The following TTC28 variants were observed in gnomAD, a reference collection of about 807,000 sequenced individuals.
TTC28 encodes tetratricopeptide repeat domain 28.
In TTC28, 61 loss-of-function variants were observed where a neutral mutation model predicts 198.0. The ratio of observed to expected loss-of-function variants is 0.31; its 90% CI spans 0.25 to 0.38. The LOEUF (loss-of-function observed/expected upper bound fraction) is 0.38, where lower values mean the gene tolerates loss of function less well. Among genes scored for constraint, TTC28 ranks in the 10% least tolerant of loss-of-function variants. TTC28 has a pLI of 1.00. For synonymous variants in TTC28, 1,171 were observed against 1,297.8 expected (o/e 0.90, Z 2.10); for missense variants, 2,678 against 3,164.0 (o/e 0.85, Z 3.69).
At chr22:28,549,609 T>C (rs2049621353) in intron 2 of TTC28, among the ~76,000 whole-genome samples, 1 of 152,240 alleles carries the variant, frequency 6.6e-6, no homozygotes, top group African/African-American at 2.4e-5. Flanking sequence ...TTACAATGCC[T>C]AAAGTTAATA....
At chr22:28,408,526 G>A (rs1339923066) in intron 2 of TTC28, among the ~76,000 whole-genome samples, 3 of 152,160 alleles carry the variant, frequency 2.0e-5, no homozygotes, top group Non-Finnish European at 4.4e-5. Context: ...GAGTAGCTGA[G>A]ATTACAGGTA....
chr22:28,659,436 T>G (rs2145692280), intron 1 of TTC28, among the ~76,000 whole-genome samples: 1 of 152,120 alleles, frequency 6.6e-6, no homozygotes, highest in Admixed American at 6.6e-5. Flanking sequence ...GTCCAGCTAA[T>G]TTTTGTGTTT....
chr22:28,337,582 TA>T, intron 2 of TTC28, among the ~76,000 whole-genome samples: 1 of 152,344 alleles, frequency 6.6e-6, no homozygotes, highest in South Asian at 2.1e-4. Context: ...TTGATCCCTT[TA>T]CCATTATGTA....
At chr22:28,205,941 A>G (rs985480500) in intron 5 of TTC28, among the ~76,000 whole-genome samples, 3 of 152,146 alleles carry the variant, frequency 2.0e-5, no homozygotes, top group African/African-American at 7.2e-5. Context: ...ATGAACAGAA[A>G]AGGCTTATTA....
At chr22:28,583,017 G>A (rs780751194) in intron 2 of TTC28, among the ~76,000 whole-genome samples, 6 of 152,052 alleles carry the variant, frequency 3.9e-5, no homozygotes, top group Non-Finnish European at 8.8e-5. Context: ...GAAATACCAG[G>A]TTAGGCTAGA....
chr22:28,334,290 T>C (rs1366430354), intron 2 of TTC28, among the ~76,000 whole-genome samples: 1 of 152,052 alleles, frequency 6.6e-6, no homozygotes, highest in Non-Finnish European at 1.5e-5. Flanking sequence ...TTTGCTATTG[T>C]GAATAGTGCC....
intron 2 of TTC28, among the ~76,000 whole-genome samples, chr22:28,421,423 A>T (rs1569316149): frequency 6.6e-6 from 1 of 152,218 alleles, no homozygotes; most frequent in African/African-American, 2.4e-5. Context: ...GAAAAAAATT[A>T]CAAATCATTG....
chr22:28,008,677 C>T (rs951380542), intron 14 of TTC28: 5 of 152,320 alleles, frequency 3.3e-5, no homozygotes, highest in Non-Finnish European at 4.4e-5. Context: ...CTTGACCAAA[C>T]GTAAGGTATT....
rs143176571 is a variant in TTC28, at chr22:28,630,444, C to G, written c.103-614G>C. Among the ~76,000 whole-genome samples, 149 of 152,222 alleles carry G rather than the reference C, an allele frequency of 9.8e-4. 1 individual carries two copies. Among genetic ancestry groups the G allele is most frequent in the Non-Finnish European group, 1.6e-3 (111 of 68,006 alleles). On this transcript the variant is annotated intron_variant, in intron 1 of 22. Transcript: ENST00000397906. Reference sequence around the variant, plus strand: ...TTTTGAGTAGTTGGAAGCAGAGGCACATGCCACGGCATGCAGCTAATTTTT... The same window carrying G: ...TTTTGAGTAGTTGGAAGCAGAGGCAGATGCCACGGCATGCAGCTAATTTTT...
At chr22:28,620,050 G>C (rs1005408358) in intron 2 of TTC28, among the ~76,000 whole-genome samples, 6 of 152,140 alleles carry the variant, frequency 3.9e-5, no homozygotes, top group African/African-American at 1.4e-4. Flanking sequence ...CAACTAGCAG[G>C]AGAAACAATA....
Position 28,090,847 on chromosome 22 carries a change from GTTTAAT to G in TTC28, c.3932+3227_3932+3232del, listed in dbSNP as rs548632645. ...TAAATTCAAACCATGCCAATAAAGTGTTTAATTTTAATATTATAATCAACAATATGA... is the reference window on the plus strand; with the variant it reads ...TAAATTCAAACCATGCCAATAAAGTGTTTAATATTATAATCAACAATATGA... On this transcript the variant is annotated intron_variant, in intron 12 of 22. Coordinates refer to ENST00000397906, the MANE Select transcript of TTC28 (RefSeq NM_001145418.2). Among the ~76,000 whole-genome samples, 28 of 152,254 alleles carry G rather than the reference GTTTAAT, an allele frequency of 1.8e-4. No individual in the cohort carries two copies. The East Asian group carries it at 4.6e-3, about 25-fold the overall frequency.
intron 2 of TTC28, among the ~76,000 whole-genome samples, chr22:28,364,993 A>G (rs561190546): frequency 3.7e-4 from 57 of 152,356 alleles, no homozygotes; most frequent in African/African-American, 1.3e-3. Flanking sequence ...TGGGTAAAAT[A>G]CTATCAAACA....
chr22:28,057,175 C>A (rs984430365), intron 12 of TTC28, among the ~76,000 whole-genome samples: 1 of 152,068 alleles, frequency 6.6e-6, no homozygotes, highest in African/African-American at 2.4e-5. Context: ...AATTGATGAT[C>A]CATAGAGTAG....
intron 5 of TTC28, among the ~76,000 whole-genome samples, chr22:28,277,794 C>G (rs899214367): frequency 2.0e-5 from 3 of 152,086 alleles, no homozygotes; most frequent in Non-Finnish European, 4.4e-5. Context: ...GAAAAACTAC[C>G]ATTAATTTGC....
intron 2 of TTC28, among the ~76,000 whole-genome samples, chr22:28,497,331 C>T (rs1363047278): frequency 6.6e-6 from 1 of 152,060 alleles, no homozygotes; most frequent in Non-Finnish European, 1.5e-5. Flanking sequence ...TATTTCTTAA[C>T]ACTAGGGGGA....
chr22:28,575,657 C>T (rs1569035251), intron 2 of TTC28, among the ~76,000 whole-genome samples: 1 of 152,068 alleles, frequency 6.6e-6, no homozygotes, highest in Non-Finnish European at 1.5e-5. Context: ...AATATCATTC[C>T]AATTTTTTGT....
intron 2 of TTC28, among the ~76,000 whole-genome samples, chr22:28,364,071 G>T (rs2046205034): frequency 6.6e-6 from 1 of 152,126 alleles, no homozygotes; most frequent in Non-Finnish European, 1.5e-5. Flanking sequence ...AGACCTGGGA[G>T]GAATCAGGGG....
At chr22:28,094,936 T>C (rs1032493831) in intron 11 of TTC28, among the ~76,000 whole-genome samples, 6 of 152,188 alleles carry the variant, frequency 3.9e-5, no homozygotes, top group African/African-American at 1.4e-4. Context: ...CAGTGAAAGC[T>C]TCAGAGCCTC....
At chr22:28,090,488 T>C (rs1442077946) in intron 12 of TTC28, among the ~76,000 whole-genome samples, 3 of 152,198 alleles carry the variant, frequency 2.0e-5, no homozygotes, top group East Asian at 3.8e-4. Context: ...TTAGGTTGTT[T>C]TCAATGTCTT....
Sources: allele counts gnomAD v4.1 joint callset (sites outside exome capture counted in the v4.1 genomes callset), GRCh38; gene constraint gnomAD v4.1.1; transcripts MANE v1.5; gene names NCBI Gene and HGNC (gene_info 2026-07-23, HGNC 2026-07-21).